Variants in UGT3A1 observed in about 807,000 individuals in gnomAD.
UGT3A1 encodes UDP-glycosyltransferase 3A1.
A neutral mutation model predicts 37.6 loss-of-function variants in UGT3A1; 40 were observed. The ratio of observed to expected loss-of-function variants is 1.06; its 90% CI spans 0.83 to 1.38. The LOEUF (loss-of-function observed/expected upper bound fraction) is 1.38. Ranked by LOEUF, UGT3A1 falls within the 40% of genes most tolerant of loss-of-function variation. The pLI, the probability that UGT3A1 is intolerant of heterozygous loss-of-function variation, is 0.00. For missense variants in UGT3A1, 642 were observed against 634.2 expected, an observed-to-expected ratio of 1.01 and a Z score of -0.13; for synonymous variants, 256 against 232.3, an observed-to-expected ratio of 1.10 and a Z score of -0.93.
At chr5:35,964,401 C>T (rs187493721) in intron 4 of UGT3A1, among the ~76,000 whole-genome samples, 242 of 152,264 alleles carry the variant, frequency 1.6e-3, no homozygotes, top group Admixed American at 3.5e-3. Flanking sequence ...TTAGGTCCCC[C>T]GCTCCCTGAC....
chr5:35,992,221 T>A (rs983063977), upstream of UGT3A1, among the ~76,000 whole-genome samples: 2 of 152,222 alleles, frequency 1.3e-5, no homozygotes, highest in African/African-American at 4.8e-5. Flanking sequence ...ATTACATTTT[T>A]AATCTGAATT....
chr5:35,993,250 G>A (rs749095682), upstream of UGT3A1, among the ~76,000 whole-genome samples: 1 of 152,110 alleles, frequency 6.6e-6, no homozygotes, highest in Non-Finnish European at 1.5e-5. Flanking sequence ...TGGATCACAA[G>A]GTCAGGAGAT....
intron 2 of UGT3A1, among the ~76,000 whole-genome samples, chr5:35,987,973 G>A (rs1001845288): frequency 6.6e-6 from 1 of 152,170 alleles, no homozygotes; most frequent in African/African-American, 2.4e-5. Context: ...TCAAGCATAT[G>A]AGGTCGTGTT....
chr5:35,987,797 T>C (rs967432197), intron 2 of UGT3A1, among the ~76,000 whole-genome samples: 4 of 152,168 alleles, frequency 2.6e-5, no homozygotes, highest in African/African-American at 9.7e-5. Flanking sequence ...TGTTATTAAT[T>C]TTTCATTTGA....
At chr5:35,993,837 T>C (rs1418501714), upstream of UGT3A1, among the ~76,000 whole-genome samples, 1 of 152,130 alleles carries the variant, frequency 6.6e-6, no homozygotes, top group African/African-American at 2.4e-5. Context: ...AGGATCTCTT[T>C]CCTCCAGGGA....
intron 2 of UGT3A1, among the ~76,000 whole-genome samples, chr5:35,987,292 A>G (rs1740764996): frequency 6.6e-6 from 1 of 152,184 alleles, no homozygotes; most frequent in Non-Finnish European, 1.5e-5. Context: ...AGAAGGAAGA[A>G]TATTTCATCT....
At chr5:35,999,604 T>C (rs549094716) in intron 1 of UGT3A1, among the ~76,000 whole-genome samples, 1 of 152,340 alleles carries the variant, frequency 6.6e-6, no homozygotes, top group African/African-American at 2.4e-5. Flanking sequence ...ATGGAATATA[T>C]TCATAATCAA....
chr5:35,965,357 C>T (rs772659389), intron 4 of UGT3A1, 29 bp downstream of exon 4: 1 of 1,602,922 alleles, frequency 6.2e-7, no homozygotes, highest in South Asian at 1.1e-5. Context: ...CTATGTGAAT[C>T]CCAAACTGAA....
intron 3 of UGT3A1, among the ~76,000 whole-genome samples, chr5:35,967,453 G>C (rs1739855359): frequency 6.6e-6 from 1 of 152,202 alleles, no homozygotes; most frequent in Admixed American, 6.5e-5. Flanking sequence ...GAAGTCTCAG[G>C]CTCATCTCTC....
At chr5:35,997,110 A>G (rs942004938) in intron 2 of UGT3A1, 6 of 152,158 alleles carry the variant, frequency 3.9e-5, no homozygotes, top group African/African-American at 1.4e-4. Flanking sequence ...ATAGCCCTAT[A>G]TTCCCTGTCA....
In UGT3A1 at chr5:35,991,370, TG is replaced by T. The variant is rs1365202282; in HGVS notation, c.-131del. 2.0e-6 allele frequency: 3 copies of T among 1,491,004 alleles called. No homozygotes were observed. In the African/African-American group the frequency reaches 4.2e-5, roughly 21 times the overall value. 92.4% of individuals were successfully genotyped at this position (1,491,004 alleles called of 1,614,324 possible). ...CTAGGAAGAGGTAGGAGACGGATCC[TG>T]CCAATTCTCTCGCCCTTCTGTTCGT... On this transcript the variant is annotated 5_prime_UTR_variant, in exon 1 of 7. Transcript: ENST00000274278.
At chr5:35,990,995 G>A (rs1450945542) in intron 1 of UGT3A1, 152 bp downstream of exon 1, 21 of 1,569,920 alleles carry the variant, frequency 1.3e-5, no homozygotes, top group African/African-American at 2.7e-5. Context: ...TCTGCCCCAC[G>A]GCTAGATGGG....
At chr5:35,958,704 T>TGTGG (rs1739455542) in intron 4 of UGT3A1, among the ~76,000 whole-genome samples, 15 of 152,302 alleles carry the variant, frequency 9.8e-5, no homozygotes, top group Admixed American at 9.8e-4. Context: ...TTTCAAACAG[T>TGTGG]ATAAATTTCT....
chr5:35,954,544 G>T (rs1465182241), intron 6 of UGT3A1, 66 bp from the exon 7 acceptor site: 2 of 1,556,066 alleles, frequency 1.3e-6, no homozygotes, highest in Non-Finnish European at 8.8e-7. Context: ...ACTTTGTATT[G>T]CATGAGCACA....
intron 4 of UGT3A1, among the ~76,000 whole-genome samples, chr5:35,958,129 A>G (rs925239005): frequency 1.3e-5 from 2 of 152,154 alleles, no homozygotes; most frequent in African/African-American, 2.4e-5. Flanking sequence ...GATACTTATA[A>G]TATTATAATT....
At chr5:35,958,751 C>A (rs2149951804) in intron 4 of UGT3A1, among the ~76,000 whole-genome samples, 1 of 152,338 alleles carries the variant, frequency 6.6e-6, no homozygotes, top group Middle Eastern at 3.4e-3. Context: ...GAGTGGCAGA[C>A]CACAGTCCAC....
intron 1 of UGT3A1, among the ~76,000 whole-genome samples, chr5:35,999,164 G>A (rs1315900911): frequency 6.7e-6 from 1 of 149,206 alleles, no homozygotes; most frequent in African/African-American, 2.5e-5. Context: ...ATGAATCCAG[G>A]AGGCGGAGCT....
intron 2 of UGT3A1, among the ~76,000 whole-genome samples, chr5:35,969,908 T>C (rs994755404): frequency 6.6e-6 from 1 of 152,202 alleles, no homozygotes; most frequent in African/African-American, 2.4e-5. Context: ...GTTTTCATGC[T>C]GCTGATAAAG....
chr5:35,979,590 C>G (rs948244567), intron 2 of UGT3A1, among the ~76,000 whole-genome samples: 2 of 152,164 alleles, frequency 1.3e-5, no homozygotes, highest in Non-Finnish European at 2.9e-5. Flanking sequence ...CAACAAGCCT[C>G]TAGGAAGTTC....
Sources: gnomAD v4.1 joint callset for allele counts (sites outside exome capture counted in the v4.1 genomes callset) on GRCh38, gnomAD v4.1.1 for gene constraint, MANE v1.5 for transcripts, NCBI Gene and HGNC (gene_info 2026-07-23, HGNC 2026-07-21) for gene names.